ZNF154: variants seen among roughly 807,000 people sequenced by gnomAD.
ZNF154 encodes the protein zinc finger protein 154 (pHZ-92).
Under a neutral mutation model 7.5 loss-of-function variants are expected in ZNF154, and 6 were observed. That is an observed-to-expected ratio of 0.80 (90% CI 0.44 to 1.57). ZNF154 has a LOEUF of 1.57. Ranked by LOEUF, ZNF154 falls within the 40% of genes most tolerant of loss-of-function variation. The pLI, the probability that ZNF154 is intolerant of heterozygous loss-of-function variation, is 0.01. For synonymous variants in ZNF154, 187 were observed against 185.9 expected (o/e 1.01, Z -0.05); for missense variants, 485 against 531.4 (o/e 0.91, Z 0.86).
Position 57,698,735 on chromosome 19 carries a change from T to C in ZNF154, c.*2900A>G, listed in dbSNP as rs1378958246. The stretch of plus-strand genomic sequence containing the variant: ...CATTTCTCGCTTTATGTTTTTTTGC[T>C]GACTTACTACTTGCTGTTTATGTTT... On this transcript the variant is annotated 3_prime_UTR_variant, in exon 3 of 3. Coordinates refer to ENST00000684351, the MANE Select transcript of ZNF154 (RefSeq NM_001085384.3). The C allele has an allele frequency of 6.6e-6, 1 of 152,250 alleles. No individual in the cohort carries two copies. The highest frequency in any genetic ancestry group is 1.9e-4 in the East Asian group (1 of 5,206). The allele number at this position is 152,250 out of a possible 1,614,324, so 9.4% of individuals were successfully genotyped here. A position where few individuals can be genotyped will look rare whatever the true frequency, so the allele number is the denominator to read the frequency against.
rs1052927578 is a variant in ZNF154, at chr19:57,702,041, C to T, written c.908G>A (p.Cys303Tyr). Residue 303 changes from cysteine (C) to tyrosine (Y), a missense_variant, in exon 3 of 3, where the codon TGC becomes TAC. Cys to Tyr is a radical substitution (Grantham distance 194). Transcript: ENST00000684351. ...GCTAAATGACTTCCCACATTCGCTGCACTCATAAGGCCTGGATCCACTGTG... is the reference window on the plus strand; with the variant it reads ...GCTAAATGACTTCCCACATTCGCTGTACTCATAAGGCCTGGATCCACTGTG... ...KVHSGSRPYE[C>Y]SECGKSFSQN... 8.1e-6 allele frequency: 13 copies of T among 1,613,828 alleles called. No individual in the cohort carries two copies. The African/African-American group carries it at 1.5e-4, about 18-fold the overall frequency.
At chr19:57,705,795 T>C (rs1454223863) in intron 1 of ZNF154, among the ~76,000 whole-genome samples, 1 of 150,286 alleles carries the variant, frequency 6.7e-6, no homozygotes, top group Non-Finnish European at 1.5e-5. Context: ...AGTTTATTAA[T>C]CATATGTACA....
At position 57,704,878 on chromosome 19, in the gene ZNF154, C is replaced by T. The variant is rs1393663709; in HGVS notation, c.135G>A (p.Glu45=). 28 of 1,613,160 alleles carry T rather than the reference C, an allele frequency of 1.7e-5. No individual in the cohort carries two copies. Among genetic ancestry groups the T allele is most frequent in the Non-Finnish European group, 2.4e-5 (28 of 1,179,708 alleles). The change falls in exon 2 of 3, where the codon GAG becomes GAA. Residue 45 remains glutamate (E), a synonymous_variant. Coordinates refer to ENST00000684351, the MANE Select transcript of ZNF154 (RefSeq NM_001085384.3). The part of the protein sequence containing the change: ...QRCLYRDVML[E]NLALLTSLDV... Reference sequence around the variant, plus strand: ...CTAGAGAGGTTAAAAGAGCCAAGTTCTCCAGCATCACATCACGGTACAGGC... The same window carrying T: ...CTAGAGAGGTTAAAAGAGCCAAGTTTTCCAGCATCACATCACGGTACAGGC...
chr19:57,698,685 TGTG>T lies in ZNF154; in HGVS notation c.*2947_*2949del, dbSNP rs1984997214. The T allele has an allele frequency of 6.6e-6, 1 of 152,244 alleles. No individual in the cohort carries two copies. The highest frequency in any genetic ancestry group is 2.4e-5 in the African/African-American group (1 of 41,472). 9.4% of individuals were successfully genotyped at this position (152,244 alleles called of 1,614,324 possible). A position where few individuals can be genotyped will look rare whatever the true frequency, so the allele number is the denominator to read the frequency against. Reference sequence around the variant, plus strand: ...ATATTGGAAAACATTCTTAAATAAATGTGGTTATACATCATTTTAATAGGCATT... The same window carrying T: ...ATATTGGAAAACATTCTTAAATAAATGTTATACATCATTTTAATAGGCATT... On this transcript the variant is annotated 3_prime_UTR_variant, in exon 3 of 3. Coordinates refer to ENST00000684351, the MANE Select transcript of ZNF154 (RefSeq NM_001085384.3).
intron 2 of ZNF154, among the ~76,000 whole-genome samples, chr19:57,704,063 G>A (rs1055383652): frequency 5.9e-5 from 9 of 152,204 alleles, no homozygotes; most frequent in Non-Finnish European, 1.2e-4. Flanking sequence ...GCTAACGTTA[G>A]AAAGAACTGC....
intron 2 of ZNF154, among the ~76,000 whole-genome samples, chr19:57,704,076 G>A (rs896776267): frequency 6.6e-6 from 1 of 152,186 alleles, no homozygotes; most frequent in South Asian, 2.1e-4. Flanking sequence ...AGAACTGCAG[G>A]TGTAGCAGTG....
At chr19:57,705,255 A>G (rs1485643552) in intron 1 of ZNF154, among the ~76,000 whole-genome samples, 1 of 152,150 alleles carries the variant, frequency 6.6e-6, no homozygotes, top group Non-Finnish European at 1.5e-5. Flanking sequence ...GATGCACATC[A>G]TTCTTCAGAA....
chr19:57,704,850 T>C lies in ZNF154; in HGVS notation c.160+3A>G, dbSNP rs1233820701. 6.2e-7 allele frequency: 1 copy of C among 1,611,834 alleles called. No individual in the cohort carries two copies. ...GGCACAGGAAAGGGTAAAAGAACCT[T>C]ACCTAGAGAGGTTAAAAGAGCCAAG... On this transcript the variant is annotated splice_donor_region_variant and intron_variant, in intron 2 of 2. Transcript: ENST00000684351.
At chr19:57,705,551 C>T (rs1235391077) in intron 1 of ZNF154, among the ~76,000 whole-genome samples, 6 of 152,072 alleles carry the variant, frequency 3.9e-5, no homozygotes, top group African/African-American at 1.4e-4. Flanking sequence ...GTCAGGAGTT[C>T]AAGACCAGCC....
chr19:57,705,032 A>G, intron 1 of ZNF154, 53 bp from the exon 2 acceptor site: 1 of 1,566,868 alleles, frequency 6.4e-7, no homozygotes, highest in Non-Finnish European at 8.6e-7. Context: ...CCAAGGACCC[A>G]CAATGCATAC....
chr19:57,706,855 TAATCCCAGAACTC>T (rs1243697709), intron 1 of ZNF154, among the ~76,000 whole-genome samples: 2 of 152,244 alleles, frequency 1.3e-5, no homozygotes, highest in Non-Finnish European at 2.9e-5. Flanking sequence ...CTTACGCCTG[TAATCCCAGAACTC>T]TGGGTGGCTG....
intron 1 of ZNF154, 149 bp from the exon 2 acceptor site, chr19:57,705,128 G>T: frequency 8.8e-7 from 1 of 1,133,288 alleles, no homozygotes; most frequent in Non-Finnish European, 1.2e-6. Context: ...AGGCATCTAA[G>T]CTGGGGGCCT....
At chr19:57,705,949 C>T (rs1178352719) in intron 1 of ZNF154, among the ~76,000 whole-genome samples, 1 of 152,068 alleles carries the variant, frequency 6.6e-6, no homozygotes, top group East Asian at 1.9e-4. Flanking sequence ...CCACAATGGG[C>T]TTGTTTGGAA....
chr19:57,707,385 A>C (rs1985437051), intron 1 of ZNF154, among the ~76,000 whole-genome samples: 1 of 152,236 alleles, frequency 6.6e-6, no homozygotes, highest in African/African-American at 2.4e-5. Context: ...CCATGGGGTC[A>C]TCGCTGAATC....
Position 57,697,848 on chromosome 19 carries a change from C to T in ZNF154, c.*3787G>A, listed in dbSNP as rs1198426330. ...TTTTTGTAATTGAACACAGCTGTAA[C>T]AGGAGACAAAATATGTCATTGTACC... is the stretch of plus-strand genomic sequence containing the variant. On this transcript the variant is annotated 3_prime_UTR_variant, in exon 3 of 3. Transcript: ENST00000684351. The T allele has an allele frequency of 6.6e-6, 1 of 151,882 alleles. No individual in the cohort carries two copies. Among genetic ancestry groups the T allele is most frequent in the African/African-American group, 2.4e-5 (1 of 41,356 alleles). The allele number at this position is 151,882 out of a possible 1,614,324, so 9.4% of individuals were successfully genotyped here. A position where few individuals can be genotyped will look rare whatever the true frequency, so the allele number is the denominator to read the frequency against.
At chr19:57,704,004 G>A (rs1392143039) in intron 2 of ZNF154, among the ~76,000 whole-genome samples, 5 of 151,932 alleles carry the variant, frequency 3.3e-5, no homozygotes, top group African/African-American at 9.6e-5. Flanking sequence ...GTGAGACTCC[G>A]TCTCAAAAAA....
intron 2 of ZNF154, among the ~76,000 whole-genome samples, chr19:57,703,484 C>CAAAAAAAA (rs3062223): frequency 2.7e-5 from 2 of 75,132 alleles, no homozygotes; most frequent in Non-Finnish European, 4.7e-5. Flanking sequence ...GACTCCGTCT[C>CAAAAAAAA]AAAAAAAAAA....
Position 57,709,025 on chromosome 19 carries a change from C to G in ZNF154, c.-54G>C. ...AGCGACGGGCGACATTGGTAGGGAC[C>G]CGGGGACAGCGGTCCCTATCCCAGG... On this transcript the variant is annotated 5_prime_UTR_variant, in exon 1 of 3. Coordinates refer to ENST00000684351, the MANE Select transcript of ZNF154 (RefSeq NM_001085384.3). The G allele has an allele frequency of 1.3e-6, 2 of 1,549,800 alleles. No homozygotes were observed. The highest frequency in any genetic ancestry group is 2.4e-5 in the South Asian group (2 of 83,996).
chr19:57,698,724 TG>T lies in ZNF154; in HGVS notation c.*2910del, dbSNP rs1427495182. On this transcript the variant is annotated 3_prime_UTR_variant, in exon 3 of 3. Coordinates refer to ENST00000684351, the MANE Select transcript of ZNF154 (RefSeq NM_001085384.3). Reference sequence around the variant, plus strand: ...ATTTTAATAGGCATTTCTCGCTTTATGTTTTTTTGCTGACTTACTACTTGCT... The same window carrying T: ...ATTTTAATAGGCATTTCTCGCTTTATTTTTTTTGCTGACTTACTACTTGCT... The T allele has an allele frequency of 6.6e-6, 1 of 152,234 alleles. No homozygotes were observed. The highest frequency in any genetic ancestry group is 2.4e-5 in the African/African-American group (1 of 41,456). 9.4% of individuals were successfully genotyped at this position (152,234 alleles called of 1,614,324 possible). A position where few individuals can be genotyped will look rare whatever the true frequency, so the allele number is the denominator to read the frequency against.
Sources: allele counts gnomAD v4.1 joint callset (sites outside exome capture counted in the v4.1 genomes callset), GRCh38; gene constraint gnomAD v4.1.1; transcripts MANE v1.5; gene names NCBI Gene and HGNC (gene_info 2026-07-23, HGNC 2026-07-21).